The following PRDM10 variants were observed in gnomAD, a reference collection of about 807,000 sequenced individuals.
PRDM10 encodes PR domain zinc finger protein 10.
Under a neutral mutation model 133.1 loss-of-function variants are expected in PRDM10, and 65 were observed. The ratio of observed to expected loss-of-function variants is 0.49; its 90% CI spans 0.40 to 0.60. PRDM10 has a LOEUF of 0.60. PRDM10 is among the 20% of genes least tolerant of loss of function. PRDM10 has a pLI of 0.00. For synonymous variants in PRDM10, 582 were observed against 580.4 expected (o/e 1.00, Z -0.04); for missense variants, 1,137 against 1,507.1 (o/e 0.75, Z 4.07).
chr11:129,944,666 G>A, intron 6 of PRDM10, 105 bp downstream of exon 6: 1 of 1,455,722 alleles, frequency 6.9e-7, no homozygotes, highest in Non-Finnish European at 9.3e-7. Context: ...AAGAATACTA[G>A]CAAACAACTG....
In PRDM10 at chr11:129,914,969, A is replaced by G. The variant is rs368250108; in HGVS notation, c.2576T>C (p.Leu859Pro). 8.7e-6 allele frequency: 14 copies of G among 1,609,878 alleles called. No homozygotes were observed. The highest frequency in any genetic ancestry group is 4.3e-6 in the Non-Finnish European group (5 of 1,176,462). Residue 859 changes from leucine to proline, a missense_variant, in exon 17 of 21, where the codon CTC (leucine) becomes CCC (proline). Around this residue, in one of 6 missense-constraint regions of PRDM10, gnomAD observed 113 missense variants for 143.7 expected, o/e 0.79. Transcript: ENST00000360871. ...IRKKHPEFAQLSNTIHTPLTT... is the reference protein window; with the variant it reads ...IRKKHPEFAQPSNTIHTPLTT... ...CAGTGGTGTGTGTATGGTGTTGGAG[A>G]GCTGGGCGAACTCTGGATGCTTCTT...
At position 129,912,229 on chromosome 11, in the gene PRDM10, G is replaced by A; in HGVS notation, c.2842-4C>T. 6.5e-7 allele frequency: 1 copy of A among 1,549,916 alleles called. No homozygotes were observed. Among genetic ancestry groups the A allele is most frequent in the Non-Finnish European group, 8.7e-7 (1 of 1,143,330 alleles). On this transcript the variant is annotated splice_polypyrimidine_tract_variant and splice_region_variant and intron_variant, in intron 17 of 20. Transcript: ENST00000360871. Reference sequence around the variant, plus strand: ...GTGACTGGTGAGGGGAAGTGGCCTGGAAGGAGAAAAAACAGGCCCAGAAAC... The same window carrying A: ...GTGACTGGTGAGGGGAAGTGGCCTGAAAGGAGAAAAAACAGGCCCAGAAAC...
intron 7 of PRDM10, among the ~76,000 whole-genome samples, chr11:129,941,701 A>C (rs561360995): frequency 1.2e-3 from 181 of 152,328 alleles, no homozygotes; most frequent in African/African-American, 4.1e-3. Context: ...ATGACATGAG[A>C]TAGTCAATAC....
intron 1 of PRDM10, among the ~76,000 whole-genome samples, chr11:129,972,919 G>A (rs986820474): frequency 3.3e-5 from 5 of 152,164 alleles, no homozygotes; most frequent in African/African-American, 1.2e-4. Context: ...CATAAAACTC[G>A]TCCTTCAAAA....
intron 20 of PRDM10, among the ~76,000 whole-genome samples, chr11:129,903,904 A>T (rs1949926641): frequency 6.6e-6 from 1 of 152,200 alleles, no homozygotes; most frequent in Admixed American, 6.5e-5. Context: ...GTGCACATAC[A>T]CTGTGGCAGG....
At chr11:129,914,427 T>C (rs1035398313) in intron 17 of PRDM10, 4 of 510,748 alleles carry the variant, frequency 7.8e-6, no homozygotes, top group Non-Finnish European at 1.4e-5. Context: ...CAGAAGAGGG[T>C]CAGAAACAGG....
intron 1 of PRDM10, among the ~76,000 whole-genome samples, chr11:129,973,019 T>C (rs1937605559): frequency 1.3e-5 from 2 of 152,212 alleles, no homozygotes; most frequent in African/African-American, 2.4e-5. Context: ...CGCCTTTTTC[T>C]TCCTTTATTT....
chr11:129,923,115 G>A lies in PRDM10; in HGVS notation c.2034+133C>T, dbSNP rs550978204. On this transcript the variant is annotated intron_variant, in intron 13 of 20. Coordinates refer to ENST00000360871, the MANE Select transcript of PRDM10 (RefSeq NM_199437.2). This position sits in a 1 kb window ranked among gnomAD's most constrained non-coding sequence, Gnocchi z 4.4. The stretch of plus-strand genomic sequence containing the variant: ...ATTTTATAACTAAGTCAAACACAAG[G>A]CCCAAAGAGTATCTCAGGTCCAGTT... The A allele has an allele frequency of 2.8e-5, 31 of 1,090,796 alleles. No individual in the cohort carries two copies. The East Asian group carries it at 9.0e-4, about 32-fold the overall frequency. 67.6% of individuals were successfully genotyped at this position (1,090,796 alleles called of 1,614,324 possible).
At chr11:129,974,648 C>G (rs1206606325) in intron 1 of PRDM10, among the ~76,000 whole-genome samples, 1 of 152,168 alleles carries the variant, frequency 6.6e-6, no homozygotes, top group Non-Finnish European at 1.5e-5. Flanking sequence ...GAAATCCACT[C>G]CACAGTTACA....
intron 4 of PRDM10, among the ~76,000 whole-genome samples, chr11:129,949,144 T>G (rs1348887127): frequency 1.3e-5 from 2 of 152,236 alleles, no homozygotes; most frequent in Non-Finnish European, 2.9e-5. Flanking sequence ...GTGATGAGTA[T>G]GCGTTTTCAC....
chr11:129,988,415 A>G (rs1938542156), intron 1 of PRDM10, among the ~76,000 whole-genome samples: 1 of 152,148 alleles, frequency 6.6e-6, no homozygotes, highest in Admixed American at 6.5e-5. Context: ...TATTGTGGGT[A>G]GAGACGGGGT....
At chr11:129,961,152 C>G in intron 1 of PRDM10, 70 bp from the exon 2 acceptor site, 1 of 475,694 alleles carries the variant, frequency 2.1e-6, no homozygotes, top group Non-Finnish European at 3.7e-6. Flanking sequence ...ATAATTTCAA[C>G]CACAAATAAT....
intron 7 of PRDM10, among the ~76,000 whole-genome samples, chr11:129,941,180 G>A (rs1951192611): frequency 6.6e-6 from 1 of 152,132 alleles, no homozygotes. Flanking sequence ...CCATATGGAG[G>A]CACTGTGCAA....
intron 6 of PRDM10, among the ~76,000 whole-genome samples, chr11:129,944,379 G>A (rs1591641815): frequency 6.6e-6 from 1 of 152,076 alleles, no homozygotes; most frequent in African/African-American, 2.4e-5. Flanking sequence ...CAGATCACGA[G>A]GTCAGGAGAT....
intron 9 of PRDM10, among the ~76,000 whole-genome samples, chr11:129,933,427 A>G (rs1950931650): frequency 6.6e-6 from 1 of 152,172 alleles, no homozygotes; most frequent in South Asian, 2.1e-4. Flanking sequence ...ATATCTTTTC[A>G]TCTCTAGATA....
intron 2 of PRDM10, among the ~76,000 whole-genome samples, chr11:129,959,925 CTTTT>C (rs112833018): frequency 1.4e-5 from 2 of 138,316 alleles, no homozygotes; most frequent in African/African-American, 5.3e-5. Context: ...GCTAATTTTT[CTTTT>C]TTTTTTTTTT....
chr11:129,964,963 G>A (rs975793485), intron 1 of PRDM10, among the ~76,000 whole-genome samples: 3 of 152,138 alleles, frequency 2.0e-5, no homozygotes, highest in Non-Finnish European at 4.4e-5. Flanking sequence ...TTTCACAAAC[G>A]AGCCATACAG....
chr11:129,927,429 ATC>A (rs1950718408), intron 11 of PRDM10, among the ~76,000 whole-genome samples: 1 of 152,160 alleles, frequency 6.6e-6, no homozygotes, highest in Non-Finnish European at 1.5e-5. Context: ...CCATGTAGGA[ATC>A]TTTTCCTTTA....
At chr11:129,941,636 G>A (rs55998512) in intron 7 of PRDM10, among the ~76,000 whole-genome samples, 9,888 of 152,212 alleles carry the variant, frequency 0.065, 376 homozygotes, top group Admixed American at 0.12. Flanking sequence ...AGTAGAAATC[G>A]TCTGAGTGCC....
Sources: allele counts gnomAD v4.1 joint callset (sites outside exome capture counted in the v4.1 genomes callset), GRCh38; gene constraint gnomAD v4.1.1; regional missense constraint gnomAD v4.1.1; non-coding constraint Gnocchi (gnomAD v3.1); transcripts MANE v1.5; gene names NCBI Gene and HGNC (gene_info 2026-07-23, HGNC 2026-07-21).